The following HEATR5A variants were observed in gnomAD, a reference collection of about 807,000 sequenced individuals.
HEATR5A encodes HEAT repeat-containing protein 5A.
HEATR5A carries 178 observed loss-of-function variants against 218.8 expected under a neutral mutation model. The ratio of observed to expected loss-of-function variants is 0.81; its 90% CI spans 0.72 to 0.92. The LOEUF (loss-of-function observed/expected upper bound fraction) is 0.92, where lower values mean the gene tolerates loss of function less well. Among genes scored for constraint, HEATR5A ranks in the 40% least tolerant of loss-of-function variants. The pLI is 0.00. For synonymous variants in HEATR5A, 864 were observed against 871.6 expected (o/e 0.99, Z 0.15); for missense variants, 2,420 against 2,418.9 (o/e 1.00, Z -0.01).
intron 21 of HEATR5A, among the ~76,000 whole-genome samples, chr14:31,339,128 C>A (rs1458899532): frequency 6.9e-6 from 1 of 144,608 alleles, no homozygotes; most frequent in African/African-American, 2.6e-5. Context: ...GAAAAAAAAA[C>A]AAAAACAAAA....
Position 31,402,939 on chromosome 14 carries a change from C to T in HEATR5A, c.37G>A (p.Ala13Thr). The change falls in exon 2 of 36, where the codon GCA becomes ACA. Residue 13 changes from alanine to threonine, a missense_variant. Transcript: ENST00000543095. ...TGAACTTCACCTAGTTGATTGTATG[C>T]TTCTTCATTCAGCAGTAAGCTATGA... ...LAHSLLLNEE[A>T]YNQLGEVQKA... The T allele has an allele frequency of 6.5e-7, 1 of 1,536,094 alleles. No homozygotes were observed. The highest frequency in any genetic ancestry group is 1.4e-5 in the African/African-American group (1 of 73,150).
At chr14:31,395,375 G>C in intron 4 of HEATR5A, 27 bp from the exon 5 acceptor site, 2 of 1,326,742 alleles carry the variant, frequency 1.5e-6, no homozygotes, top group Non-Finnish European at 2.1e-6. Context: ...AAATTAAATA[G>C]GAAAAATAAT....
chr14:31,337,348 G>C (rs761972602), intron 22 of HEATR5A, 128 bp downstream of exon 22: 1 of 741,092 alleles, frequency 1.3e-6, no homozygotes, highest in Non-Finnish European at 2.1e-6. Flanking sequence ...ATAACTGTTA[G>C]CAATTCTTTC....
At chr14:31,342,133 T>G (rs1312764734) in intron 21 of HEATR5A, among the ~76,000 whole-genome samples, 4 of 152,136 alleles carry the variant, frequency 2.6e-5, no homozygotes, top group Admixed American at 2.6e-4. Flanking sequence ...ACACCTCTAA[T>G]CCCAGCACTT....
At chr14:31,374,750 A>G in intron 12 of HEATR5A, 66 bp downstream of exon 12, 1 of 1,430,394 alleles carries the variant, frequency 7.0e-7, no homozygotes, top group Non-Finnish European at 9.5e-7. Flanking sequence ...ATACAAGTAC[A>G]TGTTAAAGAC....
intron 3 of HEATR5A, 129 bp from the exon 4 acceptor site, chr14:31,398,910 T>A: frequency 6.6e-6 from 4 of 608,872 alleles, no homozygotes; most frequent in Non-Finnish European, 1.1e-5. Flanking sequence ...CTTTGTATTA[T>A]CCTTTGAAAC....
At chr14:31,340,259 G>A (rs1900797732) in intron 21 of HEATR5A, among the ~76,000 whole-genome samples, 1 of 152,146 alleles carries the variant, frequency 6.6e-6, no homozygotes. Flanking sequence ...GCTGGAGAAG[G>A]TTAGGAAGGA....
rs1235640857 is a variant in HEATR5A, at chr14:31,313,215, G to A, written c.4219-25C>T. The A allele has an allele frequency of 7.7e-6, 12 of 1,549,588 alleles. No homozygotes were observed. The South Asian group carries it at 1.4e-4, about 18-fold the overall frequency. On this transcript the variant is annotated intron_variant, in intron 27 of 35. Coordinates refer to ENST00000543095, the MANE Select transcript of HEATR5A (RefSeq NM_015473.4). ...CCTGTTAAAGGTTAATTTAAAAACAGGAAAATCTTTTATCTGCTGAAAAGG... is the reference window on the plus strand; with the variant it reads ...CCTGTTAAAGGTTAATTTAAAAACAAGAAAATCTTTTATCTGCTGAAAAGG...
intron 16 of HEATR5A, among the ~76,000 whole-genome samples, chr14:31,356,486 T>C (rs1901431271): frequency 6.6e-6 from 1 of 152,190 alleles, no homozygotes; most frequent in Non-Finnish European, 1.5e-5. Context: ...TTGCCTGCCT[T>C]GGCCTCCCAA....
chr14:31,372,114 G>A (rs1210348180), intron 12 of HEATR5A, among the ~76,000 whole-genome samples: 2 of 150,718 alleles, frequency 1.3e-5, no homozygotes, highest in Non-Finnish European at 2.9e-5. Context: ...CTCTCTAGGA[G>A]TACTAAGACG....
chr14:31,386,676 A>G (rs2030236985), intron 8 of HEATR5A, 101 bp from the exon 9 acceptor site: 1 of 955,484 alleles, frequency 1.0e-6, no homozygotes, highest in African/African-American at 1.7e-5. Context: ...ATTTACACAT[A>G]CACTTGATCT....
rs552825546 is a variant in HEATR5A, at chr14:31,306,485, CTAAA to C, written c.4966+243_4966+246del. On this transcript the variant is annotated intron_variant, in intron 31 of 35. Coordinates refer to ENST00000543095, the MANE Select transcript of HEATR5A (RefSeq NM_015473.4). ...GCAACTGGAGTGAGACCTTGTCTCA[CTAAA>C]TAAATAAATAAATAAATAAAGCCAT... is the stretch of plus-strand genomic sequence containing the variant. Among the ~76,000 whole-genome samples, 651 of 151,394 alleles carry C rather than the reference CTAAA, an allele frequency of 4.3e-3. 1 individual carries two copies. Among genetic ancestry groups the C allele is most frequent in the Non-Finnish European group, 7.7e-3 (522 of 67,848 alleles).
At chr14:31,347,719 T>C in intron 19 of HEATR5A, 29 bp downstream of exon 19, 1 of 1,481,234 alleles carries the variant, frequency 6.8e-7, no homozygotes, top group Non-Finnish European at 9.0e-7. Flanking sequence ...ATCATGAATT[T>C]CAAGGGAAGT....
In HEATR5A at chr14:31,295,896, A is replaced by C. The variant is rs1899174866; in HGVS notation, c.5619+13T>G. ...GTCCTATTACATACATCTTTCTGCT[A>C]AAAGACACTTACCACAGGATCTTTT... On this transcript the variant is annotated intron_variant, in intron 34 of 35. Transcript: ENST00000543095. The C allele has an allele frequency of 1.2e-6, 2 of 1,611,256 alleles. No homozygotes were observed. Among genetic ancestry groups the C allele is most frequent in the African/African-American group, 2.7e-5 (2 of 74,942 alleles).
At chr14:31,390,950 T>C (rs1015175918) in intron 6 of HEATR5A, among the ~76,000 whole-genome samples, 4 of 152,156 alleles carry the variant, frequency 2.6e-5, no homozygotes, top group Non-Finnish European at 5.9e-5. Context: ...TCCATGCGTG[T>C]CACTGCCCTT....
rs900536646 is a variant in HEATR5A at position 31,358,661 on chromosome 14, C to T, written c.2387G>A (p.Cys796Tyr). The part of the protein sequence containing the change: ...SSASKLFGVV[C>Y]AHVGETQRLL... ...CCTTTGAGTTTCTCCCACATGAGCG[C>T]ATACAACCCCAAAGAGCTTGGATGC... The change falls in exon 16 of 36, where the codon TGC becomes TAC. Residue 796 changes from cysteine to tyrosine, a missense_variant. Cys to Tyr is a radical substitution (Grantham distance 194). Coordinates refer to ENST00000543095, the MANE Select transcript of HEATR5A (RefSeq NM_015473.4). 5.0e-6 allele frequency: 8 copies of T among 1,613,568 alleles called. No homozygotes were observed. Among genetic ancestry groups the T allele is most frequent in the Admixed American group, 3.3e-5 (2 of 59,956 alleles).
intron 29 of HEATR5A, 47 bp downstream of exon 29, chr14:31,308,887 A>AC: frequency 1.3e-6 from 2 of 1,514,424 alleles, no homozygotes; most frequent in East Asian, 2.3e-5. Context: ...AAAAAAAAAA[A>AC]CAAAAAACCC....
intron 25 of HEATR5A, 37 bp from the exon 26 acceptor site, chr14:31,318,329 A>C (rs1282564102): frequency 1.3e-6 from 2 of 1,492,060 alleles, no homozygotes; most frequent in Non-Finnish European, 1.9e-6. Flanking sequence ...AACATCAAGA[A>C]GTAAGACAGC....
rs1057064157 is a variant in HEATR5A at position 31,321,683 on chromosome 14, A to G, written c.3788-3T>C. 6.4e-6 allele frequency: 10 copies of G among 1,565,368 alleles called. No individual in the cohort carries two copies. The highest frequency in any genetic ancestry group is 4.1e-5 in the African/African-American group (3 of 72,978). On this transcript the variant is annotated splice_region_variant and splice_polypyrimidine_tract_variant and intron_variant, in intron 24 of 35. Coordinates refer to ENST00000543095, the MANE Select transcript of HEATR5A (RefSeq NM_015473.4). ...AAGATGCAGTACCAAAAAGTCATCT[A>G]TAAGATTAAAAAACATATTGGGAGA...
Sources: allele counts gnomAD v4.1 joint callset (sites outside exome capture counted in the v4.1 genomes callset), GRCh38; gene constraint gnomAD v4.1.1; transcripts MANE v1.5; gene names NCBI Gene and HGNC (gene_info 2026-07-23, HGNC 2026-07-21).